The following GPM6A variants were observed in gnomAD, a reference collection of about 807,000 sequenced individuals.
The protein encoded by GPM6A is neuronal membrane glycoprotein M6-a.
Under a neutral mutation model 32.1 loss-of-function variants are expected in GPM6A, and 7 were observed. The ratio of observed to expected loss-of-function variants is 0.22; its 90% CI spans 0.12 to 0.41. GPM6A has a LOEUF of 0.41. GPM6A is among the 10% of genes least tolerant of loss of function. The probability of loss-of-function intolerance (pLI) is 1.00; values close to 1 mark genes in which losing one functional copy is unlikely to be tolerated. For missense variants in GPM6A, 235 were observed against 347.2 expected, an observed-to-expected ratio of 0.68 and a Z score of 2.57; for synonymous variants, 130 against 123.4, an observed-to-expected ratio of 1.05 and a Z score of -0.35.
At chr4:175,806,276 C>A (rs1168410134) in intron 1 of GPM6A, among the ~76,000 whole-genome samples, 1 of 152,190 alleles carries the variant, frequency 6.6e-6, no homozygotes, top group African/African-American at 2.4e-5. Flanking sequence ...AAAATCATGT[C>A]TTAGAAGCCA....
intron 1 of GPM6A, among the ~76,000 whole-genome samples, chr4:175,985,875 G>A (rs757889681): frequency 4.6e-5 from 7 of 151,608 alleles, no homozygotes; most frequent in African/African-American, 7.3e-5. Flanking sequence ...GTGCAATCTC[G>A]GCTCACTGCA....
intron 1 of GPM6A, among the ~76,000 whole-genome samples, chr4:175,923,460 G>C (rs2111529997): frequency 6.6e-6 from 1 of 151,156 alleles, no homozygotes; most frequent in Non-Finnish European, 1.5e-5. Flanking sequence ...GTGAGCAGAA[G>C]TCGGTGATGG....
intron 1 of GPM6A, among the ~76,000 whole-genome samples, chr4:175,722,941 C>G (rs1051010180): frequency 2.6e-5 from 4 of 151,744 alleles, no homozygotes; most frequent in African/African-American, 4.8e-5. Context: ...CCCAGCAGCT[C>G]AGAAAGCTCA....
intron 1 of GPM6A, among the ~76,000 whole-genome samples, chr4:175,932,077 A>T (rs1434888312): frequency 6.6e-6 from 1 of 150,390 alleles, no homozygotes; most frequent in Non-Finnish European, 1.5e-5. Context: ...CCTGCGAGCC[A>T]GAGTGAGATC....
At chr4:175,818,915 T>A (rs965479936) in intron 1 of GPM6A, among the ~76,000 whole-genome samples, 1 of 152,180 alleles carries the variant, frequency 6.6e-6, no homozygotes, top group Non-Finnish European at 1.5e-5. Flanking sequence ...AAATGCTGAT[T>A]ACAGTAAGGG....
At chr4:175,716,546 A>G (rs531347668) in intron 1 of GPM6A, among the ~76,000 whole-genome samples, 1 of 137,574 alleles carries the variant, frequency 7.3e-6, no homozygotes, top group Non-Finnish European at 1.6e-5. Context: ...TTGGACTTGT[A>G]TTGAATGTAT....
intron 1 of GPM6A, among the ~76,000 whole-genome samples, chr4:175,975,112 T>C (rs1283106408): frequency 6.6e-6 from 1 of 152,244 alleles, no homozygotes; most frequent in African/African-American, 2.4e-5. Context: ...TCTGCTCATC[T>C]GTGCCATACA....
chr4:175,813,110 C>T (rs938227158), upstream of GPM6A: 6 of 973,802 alleles, frequency 6.2e-6, no homozygotes, highest in Non-Finnish European at 7.3e-6. Context: ...AGGAAAAACC[C>T]TATTGATGTC....
In GPM6A at chr4:175,707,048, A is replaced by G. The variant is rs557184109; in HGVS notation, c.38-5281T>C. ...AGGGGAGGAACCATCAGTTCCAAAA[A>G]TTGCTCCCCCCTTTCCCCAAAAACT... On this transcript the variant is annotated intron_variant, in intron 1 of 6. Transcript: ENST00000393658. Among the ~76,000 whole-genome samples, 4 of 152,284 alleles carry G rather than the reference A, an allele frequency of 2.6e-5. No homozygotes were observed. In the South Asian group the frequency reaches 8.3e-4, roughly 32 times the overall value.
At chr4:175,785,603 C>T (rs960421666) in intron 1 of GPM6A, among the ~76,000 whole-genome samples, 20 of 152,138 alleles carry the variant, frequency 1.3e-4, no homozygotes, top group African/African-American at 4.8e-4. Context: ...CCTTTCCCCT[C>T]TTAGGCAGAA....
intron 1 of GPM6A, among the ~76,000 whole-genome samples, chr4:175,736,193 A>G (rs12650851): frequency 0.22 from 33,268 of 151,654 alleles, 3,904 homozygotes; most frequent in East Asian, 0.26. Context: ...TTTTTTCTTT[A>G]TGTGTAGAGA....
intron 2 of GPM6A, among the ~76,000 whole-genome samples, chr4:175,691,451 A>G (rs1242870913): frequency 6.6e-6 from 1 of 152,188 alleles, no homozygotes; most frequent in Admixed American, 6.5e-5. Flanking sequence ...TATAAGAAAA[A>G]TGCAGATTAT....
chr4:175,997,163 G>A (rs1741334689), intron 1 of GPM6A, among the ~76,000 whole-genome samples: 1 of 152,118 alleles, frequency 6.6e-6, no homozygotes. Flanking sequence ...GGCTTCCAAG[G>A]CAGGAGACTT....
intron 1 of GPM6A, among the ~76,000 whole-genome samples, chr4:175,722,741 A>T (rs1746206136): frequency 6.6e-6 from 1 of 152,114 alleles, no homozygotes; most frequent in South Asian, 2.1e-4. Context: ...AACCAGCAAT[A>T]TGTTTAAAAA....
chr4:175,795,175 T>C (rs917257899), intron 1 of GPM6A, among the ~76,000 whole-genome samples: 2 of 152,136 alleles, frequency 1.3e-5, no homozygotes, highest in Admixed American at 1.3e-4. Flanking sequence ...TGGGACACAG[T>C]GTACATAAAT....
At chr4:175,743,001 TTAA>T (rs1276170910) in intron 1 of GPM6A, among the ~76,000 whole-genome samples, 2 of 151,750 alleles carry the variant, frequency 1.3e-5, no homozygotes, top group Non-Finnish European at 2.9e-5. Context: ...AAAAAATAAA[TTAA>T]TAATAATTAT....
intron 1 of GPM6A, among the ~76,000 whole-genome samples, chr4:175,954,551 A>G (rs1176434031): frequency 6.6e-6 from 1 of 152,152 alleles, no homozygotes; most frequent in Non-Finnish European, 1.5e-5. Flanking sequence ...TTTGTCTATC[A>G]TTTTTCCACC....
chr4:175,970,988 G>A, intron 1 of GPM6A: 1 of 423,186 alleles, frequency 2.4e-6, no homozygotes, highest in South Asian at 1.7e-5. Context: ...GAGCGCTCCT[G>A]GGGAATTCAG....
At chr4:175,692,536 A>T (rs1032167152) in intron 2 of GPM6A, among the ~76,000 whole-genome samples, 1 of 152,096 alleles carries the variant, frequency 6.6e-6, no homozygotes, top group African/African-American at 2.4e-5. Context: ...GTTTTTAGTG[A>T]CACATTTTGC....
Sources: allele counts gnomAD v4.1 joint callset (sites outside exome capture counted in the v4.1 genomes callset), GRCh38; gene constraint gnomAD v4.1.1; transcripts MANE v1.5; gene names NCBI Gene and HGNC (gene_info 2026-07-23, HGNC 2026-07-21).